Variants in PTPRT observed in about 807,000 individuals in gnomAD.
PTPRT encodes protein tyrosine phosphatase receptor type T.
A neutral mutation model predicts 176.8 loss-of-function variants in PTPRT; 56 were observed. The observed-to-expected ratio is 0.32, with a 90% CI of 0.26 to 0.40. The LOEUF (loss-of-function observed/expected upper bound fraction) is 0.40, where lower values mean the gene tolerates loss of function less well. Ranked by LOEUF, PTPRT falls within the 10% of genes least tolerant of loss-of-function variation. PTPRT has a pLI of 1.00. For missense variants in PTPRT, 1,540 were observed against 1,908.2 expected, an observed-to-expected ratio of 0.81 and a Z score of 3.60; for synonymous variants, 783 against 739.0, an observed-to-expected ratio of 1.06 and a Z score of -0.96.
chr20:43,094,842 C>T (rs6030645), intron 1 of PTPRT, among the ~76,000 whole-genome samples: 13,302 of 151,976 alleles, frequency 0.088, 712 homozygotes, highest in African/African-American at 0.15. Flanking sequence ...AATAAATGGA[C>T]GAAGGATTAC....
intron 7 of PTPRT, among the ~76,000 whole-genome samples, chr20:42,490,737 C>T (rs1028363702): frequency 1.3e-5 from 2 of 152,102 alleles, no homozygotes; most frequent in Non-Finnish European, 2.9e-5. Flanking sequence ...TGTTAAATAG[C>T]AATGGTGGCT....
At position 42,160,856 on chromosome 20, in the gene PTPRT, C is replaced by T. The variant is rs556078002; in HGVS notation, c.2682+496G>A. On this transcript the variant is annotated intron_variant, in intron 17 of 30. Coordinates refer to ENST00000373187, the MANE Select transcript of PTPRT (RefSeq NM_007050.6). Reference sequence around the variant, plus strand: ...GTCACTGGAGATGAAGCATTGCCTTCGGGGGATGGGAGCGGGGACCAGAAT... The same window carrying T: ...GTCACTGGAGATGAAGCATTGCCTTTGGGGGATGGGAGCGGGGACCAGAAT... Among the ~76,000 whole-genome samples, 12 of 152,182 alleles carry T rather than the reference C, an allele frequency of 7.9e-5. No individual in the cohort carries two copies. The East Asian group carries it at 1.9e-3, about 25-fold the overall frequency.
chr20:42,793,865 G>A (rs576885983), intron 2 of PTPRT, among the ~76,000 whole-genome samples: 20 of 152,132 alleles, frequency 1.3e-4, no homozygotes, highest in African/African-American at 4.6e-4. Context: ...GACTGCCTCT[G>A]CCACTGAGGA....
intron 1 of PTPRT, among the ~76,000 whole-genome samples, chr20:43,163,756 A>C (rs145418637): frequency 1.2e-4 from 19 of 152,216 alleles, no homozygotes; most frequent in African/African-American, 4.3e-4. Flanking sequence ...CAGGGGAAAA[A>C]TTATCCAAAG....
chr20:42,816,539 G>T (rs1304019220), intron 2 of PTPRT, among the ~76,000 whole-genome samples: 1 of 152,166 alleles, frequency 6.6e-6, no homozygotes, highest in Non-Finnish European at 1.5e-5. Context: ...ACATGTCGAG[G>T]AAGGGAGGTG....
At chr20:42,486,567 C>G (rs1195651326) in intron 7 of PTPRT, among the ~76,000 whole-genome samples, 2 of 152,084 alleles carry the variant, frequency 1.3e-5, no homozygotes, top group Admixed American at 1.3e-4. Flanking sequence ...AAATTATATG[C>G]ATGCATTGTT....
At chr20:42,341,164 T>C (rs922544042) in intron 11 of PTPRT, among the ~76,000 whole-genome samples, 7 of 152,156 alleles carry the variant, frequency 4.6e-5, no homozygotes, top group Admixed American at 2.0e-4. Flanking sequence ...ACTTCCTGTC[T>C]TTCTACACTC....
intron 17 of PTPRT, among the ~76,000 whole-genome samples, chr20:42,156,004 C>A (rs1370325224): frequency 6.6e-6 from 1 of 152,146 alleles, no homozygotes; most frequent in Non-Finnish European, 1.5e-5. Flanking sequence ...AGTTTCAGCC[C>A]CATCTCCCTC....
At chr20:42,868,499 G>A (rs1322946675) in intron 2 of PTPRT, among the ~76,000 whole-genome samples, 1 of 152,112 alleles carries the variant, frequency 6.6e-6, no homozygotes, top group Non-Finnish European at 1.5e-5. Flanking sequence ...GGCTTCTCTT[G>A]ACTGTTTATA....
chr20:42,755,050 T>TA (rs1208355319), intron 6 of PTPRT, among the ~76,000 whole-genome samples: 3 of 152,080 alleles, frequency 2.0e-5, no homozygotes, highest in African/African-American at 7.2e-5. Context: ...TAAAGTGTGA[T>TA]AAAAACTATG....
At chr20:42,989,504 A>G (rs1477805485) in intron 1 of PTPRT, among the ~76,000 whole-genome samples, 2 of 152,316 alleles carry the variant, frequency 1.3e-5, no homozygotes, top group Non-Finnish European at 2.9e-5. Context: ...GGGCTTTCCC[A>G]GTGAGGCTGA....
intron 2 of PTPRT, among the ~76,000 whole-genome samples, chr20:42,824,581 CT>C (rs1234368797): frequency 6.6e-6 from 1 of 151,898 alleles, no homozygotes; most frequent in Non-Finnish European, 1.5e-5. Context: ...AAACAATGGA[CT>C]TAGATTCTAT....
chr20:43,081,479 G>T (rs2011440577), intron 1 of PTPRT, among the ~76,000 whole-genome samples: 2 of 152,154 alleles, frequency 1.3e-5, no homozygotes, highest in South Asian at 4.1e-4. Context: ...CTATAGCTAT[G>T]ATTATTTCAT....
chr20:42,488,306 G>C (rs1194612369), intron 7 of PTPRT, among the ~76,000 whole-genome samples: 1 of 152,116 alleles, frequency 6.6e-6, no homozygotes, highest in Non-Finnish European at 1.5e-5. Flanking sequence ...AACTTAATTT[G>C]ACAAAGTACT....
downstream of PTPRT, among the ~76,000 whole-genome samples, chr20:42,068,620 C>A (rs901500346): frequency 5.9e-5 from 9 of 152,214 alleles, no homozygotes; most frequent in African/African-American, 1.9e-4. Context: ...GCGGGATGAG[C>A]CACTTTATCT....
intron 1 of PTPRT, among the ~76,000 whole-genome samples, chr20:43,067,178 G>A (rs2011119816): frequency 1.3e-5 from 2 of 151,568 alleles, no homozygotes; most frequent in Non-Finnish European, 2.9e-5. Flanking sequence ...CTACAGTATG[G>A]ATGAGCCTTG....
intron 16 of PTPRT, among the ~76,000 whole-genome samples, chr20:42,177,722 C>T (rs1287796999): frequency 6.6e-6 from 1 of 152,124 alleles, no homozygotes; most frequent in East Asian, 1.9e-4. Context: ...TTGGGAACTA[C>T]TGTTATAACC....
At chr20:42,318,639 A>G (rs745526761) in intron 11 of PTPRT, among the ~76,000 whole-genome samples, 1 of 152,184 alleles carries the variant, frequency 6.6e-6, no homozygotes, top group Non-Finnish European at 1.5e-5. Flanking sequence ...AGAAGGAACC[A>G]ATAGCCTCAT....
intron 1 of PTPRT, among the ~76,000 whole-genome samples, chr20:43,099,902 G>T (rs2425591): frequency 0.3 from 46,318 of 151,960 alleles, 7,538 homozygotes; most frequent in Non-Finnish European, 0.37. Flanking sequence ...TACCTGGAGG[G>T]CAGGAACCAG....
Sources: gnomAD v4.1 joint callset for allele counts (sites outside exome capture counted in the v4.1 genomes callset) on GRCh38, gnomAD v4.1.1 for gene constraint, MANE v1.5 for transcripts, NCBI Gene and HGNC (gene_info 2026-07-23, HGNC 2026-07-21) for gene names.